HMGCLL1: variants seen among roughly 807,000 people sequenced by gnomAD.
HMGCLL1 encodes the protein 3-hydroxy-3-methylglutaryl-CoA lyase like 1, also known as 3-hydroxymethyl-3-methylglutaryl-CoA lyase, cytoplasmic.
HMGCLL1 carries 36 observed loss-of-function variants against 39.1 expected under a neutral mutation model. That is an observed-to-expected ratio of 0.92 (90% confidence interval 0.71 to 1.22). The LOEUF is 1.22. HMGCLL1 is among the 50% of genes most tolerant of loss of function. HMGCLL1 has a pLI of 0.00. For synonymous variants in HMGCLL1, 149 were observed against 144.0 expected, an observed-to-expected ratio of 1.03 and a Z score of -0.25; for missense variants, 451 against 416.5, an observed-to-expected ratio of 1.08 and a Z score of -0.72.
At chr6:55,475,318 A>G (rs1765237290) in intron 7 of HMGCLL1, among the ~76,000 whole-genome samples, 1 of 151,630 alleles carries the variant, frequency 6.6e-6, no homozygotes, top group Non-Finnish European at 1.5e-5. Context: ...ATCCTGATAG[A>G]AGGTAAGACT....
intron 1 of HMGCLL1, among the ~76,000 whole-genome samples, chr6:55,568,777 G>A (rs1771333379): frequency 6.6e-6 from 1 of 152,020 alleles, no homozygotes; most frequent in African/African-American, 2.4e-5. Context: ...TAAAAACCAT[G>A]GGTCATATGA....
intron 7 of HMGCLL1, among the ~76,000 whole-genome samples, chr6:55,473,081 TTAG>T (rs1765116487): frequency 6.6e-6 from 1 of 151,470 alleles, no homozygotes; most frequent in Non-Finnish European, 1.5e-5. Context: ...TTGATTGGTG[TTAG>T]TATGTCATGT....
the HMGCLL1 span, among the ~76,000 whole-genome samples, chr6:55,593,943 C>T: frequency 8.5e-5 from 13 of 152,230 alleles, no homozygotes; most frequent in South Asian, 4.1e-4. Context: ...TAAACCTAAA[C>T]GGTTTGGGAC....
the HMGCLL1 span, among the ~76,000 whole-genome samples, chr6:55,598,734 C>T: frequency 2.7e-4 from 41 of 152,238 alleles, no homozygotes; most frequent in African/African-American, 8.9e-4. Context: ...ATGGTTCAAT[C>T]GCTGATTACA....
chr6:55,529,091 A>G (rs184265354), intron 3 of HMGCLL1, among the ~76,000 whole-genome samples: 1 of 152,262 alleles, frequency 6.6e-6, no homozygotes, highest in Admixed American at 6.5e-5. Flanking sequence ...AATATGCATT[A>G]GTTATTATTT....
At chr6:55,624,217 T>C in the HMGCLL1 span, among the ~76,000 whole-genome samples, 1 of 152,156 alleles carries the variant, frequency 6.6e-6, no homozygotes, top group African/African-American at 2.4e-5. Flanking sequence ...ATTCCCACCA[T>C]ATCCCCATTC....
the HMGCLL1 span, among the ~76,000 whole-genome samples, chr6:55,630,463 G>T: frequency 6.6e-6 from 1 of 152,072 alleles, no homozygotes; most frequent in Non-Finnish European, 1.5e-5. Context: ...TTCAGACTGT[G>T]GACTGACATG....
upstream of HMGCLL1, among the ~76,000 whole-genome samples, chr6:55,580,075 G>A (rs1237535124): frequency 6.6e-6 from 1 of 152,104 alleles, no homozygotes; most frequent in Non-Finnish European, 1.5e-5. Flanking sequence ...TCCATGGCCA[G>A]GAATACGCAT....
chr6:55,587,005 CCCA>C, the HMGCLL1 span, among the ~76,000 whole-genome samples: 1 of 152,188 alleles, frequency 6.6e-6, no homozygotes, highest in Admixed American at 6.5e-5. Flanking sequence ...AGTTTACAGT[CCCA>C]CCAACAGTGT....
intron 7 of HMGCLL1, among the ~76,000 whole-genome samples, chr6:55,470,729 T>C (rs972942473): frequency 6.6e-6 from 1 of 151,770 alleles, no homozygotes; most frequent in Non-Finnish European, 1.5e-5. Context: ...GAGCTTTAAT[T>C]GACTCACAGT....
intron 1 of HMGCLL1, among the ~76,000 whole-genome samples, chr6:55,559,690 C>T (rs2127469773): frequency 6.6e-6 from 1 of 152,240 alleles, no homozygotes; most frequent in South Asian, 2.1e-4. Flanking sequence ...AGACATACTG[C>T]CTAATTAAAT....
At chr6:55,678,647 C>A in the HMGCLL1 span, among the ~76,000 whole-genome samples, 4 of 151,858 alleles carry the variant, frequency 2.6e-5, no homozygotes, top group Non-Finnish European at 4.4e-5. Context: ...AACAAACAAA[C>A]AAAAAAACTA....
rs1769750737 is a variant in HMGCLL1, at chr6:55,543,488, GATATATATCATATATATC to G, written c.109-1366_109-1349del. On this transcript the variant is annotated intron_variant, in intron 1 of 8. Coordinates refer to ENST00000274901, the MANE Select transcript of HMGCLL1 (RefSeq NM_001042406.2). ...TATATATCATATATAATATATATAT[GATATATATCATATATATC>G]ATATATAATATATATATTTTTATGT... 3.5e-4 allele frequency among the ~76,000 whole-genome samples: 3 copies of G among 8,480 alleles called. 1 individual carries two copies. The highest frequency in any genetic ancestry group is 7.9e-4 in the Non-Finnish European group (3 of 3,818). 5.6% of individuals were successfully genotyped at this position (8,480 alleles called of 152,430 possible).
At chr6:55,540,420 G>A (rs1352423176) in intron 3 of HMGCLL1, among the ~76,000 whole-genome samples, 1 of 152,048 alleles carries the variant, frequency 6.6e-6, no homozygotes, top group Admixed American at 6.6e-5. Flanking sequence ...CTCATGAATG[G>A]CATTAGTAAC....
At chr6:55,488,634 T>C (rs1444644912) in intron 7 of HMGCLL1, among the ~76,000 whole-genome samples, 1 of 151,960 alleles carries the variant, frequency 6.6e-6, no homozygotes, top group Non-Finnish European at 1.5e-5. Context: ...TTTAAGTAAA[T>C]GGAAAAAAAA....
chr6:55,522,217 C>T (rs980041890), intron 3 of HMGCLL1, among the ~76,000 whole-genome samples: 3 of 151,752 alleles, frequency 2.0e-5, no homozygotes, highest in Non-Finnish European at 4.4e-5. Flanking sequence ...AAAAGAAAAA[C>T]ATTTAATAAC....
chr6:55,526,226 A>T (rs1368132285), intron 3 of HMGCLL1, among the ~76,000 whole-genome samples: 5 of 152,006 alleles, frequency 3.3e-5, no homozygotes, highest in African/African-American at 1.2e-4. Context: ...TGTCTGCAGC[A>T]TTATGCCCAC....
chr6:55,564,698 A>G (rs1771127303), intron 1 of HMGCLL1, among the ~76,000 whole-genome samples: 2 of 152,122 alleles, frequency 1.3e-5, no homozygotes. Context: ...GATGACTTTG[A>G]GTCAATGGTA....
At chr6:55,531,108 T>C (rs1768640028) in intron 3 of HMGCLL1, among the ~76,000 whole-genome samples, 2 of 152,164 alleles carry the variant, frequency 1.3e-5, no homozygotes, top group Admixed American at 1.3e-4. Context: ...GATGTGAATC[T>C]CCAAGTGAGC....
Sources: gnomAD v4.1 joint callset for allele counts (sites outside exome capture counted in the v4.1 genomes callset) on GRCh38, gnomAD v4.1.1 for gene constraint, MANE v1.5 for transcripts, NCBI Gene and HGNC (gene_info 2026-07-23, HGNC 2026-07-21) for gene names.